TXNDC8: variants seen among roughly 807,000 people sequenced by gnomAD.
TXNDC8 encodes the protein thioredoxin domain-containing protein 8.
TXNDC8 carries 15 observed loss-of-function variants against 12.9 expected under a neutral mutation model. That is an observed-to-expected ratio of 1.16 (90% CI 0.78 to 1.79). TXNDC8 has a LOEUF of 1.79. Ranked by LOEUF, TXNDC8 falls within the 40% of genes most tolerant of loss-of-function variation. The pLI, the probability that TXNDC8 is intolerant of heterozygous loss-of-function variation, is 0.00. For missense variants in TXNDC8, 128 were observed against 113.2 expected, an observed-to-expected ratio of 1.13 and a Z score of -0.59; for synonymous variants, 40 against 35.4, an observed-to-expected ratio of 1.13 and a Z score of -0.46.
chr9:110,322,835 A>G, intron 3 of TXNDC8: 1 of 985,336 alleles, frequency 1.0e-6, no homozygotes, highest in Non-Finnish European at 1.2e-6. Flanking sequence ...TCATGCACTC[A>G]CTCATTCATC....
chr9:110,324,224 G>A lies in TXNDC8; in HGVS notation c.195+1951C>T, dbSNP rs547971224. Among the ~76,000 whole-genome samples the A allele has an allele frequency of 1.1e-4, 16 of 152,314 alleles. 1 individual carries two copies. The highest frequency in any genetic ancestry group is 5.8e-4 in the East Asian group (3 of 5,186). ...GAAAGGAGGAAGCATTCTCACTTCC[G>A]AAATGGGAGTGAAGGAGAAGATAAT... is the stretch of plus-strand genomic sequence containing the variant. On this transcript the variant is annotated intron_variant, in intron 3 of 4. Coordinates refer to ENST00000423740, the MANE Select transcript of TXNDC8 (RefSeq NM_001286946.2).
intron 3 of TXNDC8, among the ~76,000 whole-genome samples, chr9:110,319,816 T>C (rs1287780983): frequency 1.3e-5 from 2 of 152,206 alleles, no homozygotes; most frequent in African/African-American, 2.4e-5. Context: ...CATACCACGG[T>C]ATCACCTCTT....
intron 3 of TXNDC8, among the ~76,000 whole-genome samples, chr9:110,308,427 A>C (rs1838539126): frequency 2.0e-5 from 3 of 150,712 alleles, no homozygotes; most frequent in African/African-American, 7.3e-5. Flanking sequence ...AGCTGTTTTT[A>C]ATTTCTCCTT....
At chr9:110,324,036 A>AGT in intron 3 of TXNDC8, 4 of 1,544,102 alleles carry the variant, frequency 2.6e-6, no homozygotes, top group Non-Finnish European at 3.5e-6. Flanking sequence ...TGCAAAAGGG[A>AGT]GTGGTTCCTT....
In TXNDC8 at chr9:110,322,844, TCA is replaced by T. The variant is rs144879382; in HGVS notation, c.195+3329_195+3330del. 2,353 of 985,430 alleles carry T rather than the reference TCA, an allele frequency of 2.4e-3. 36 individuals are homozygous for T. In the African/African-American group the frequency reaches 0.037, roughly 15 times the overall value. 61.0% of individuals were successfully genotyped at this position (985,430 alleles called of 1,614,324 possible). On this transcript the variant is annotated intron_variant, in intron 3 of 4. Transcript: ENST00000423740. Reference sequence around the variant, plus strand: ...ATTCATTCATGCACTCACTCATTCATCACACACATCATGAGTATTTTCTATCC... The same window carrying T: ...ATTCATTCATGCACTCACTCATTCATCACACATCATGAGTATTTTCTATCC...
At chr9:110,323,118 C>T in intron 3 of TXNDC8, 1 of 985,258 alleles carries the variant, frequency 1.0e-6, no homozygotes, top group Non-Finnish European at 1.2e-6. Flanking sequence ...GGGAGCTGTG[C>T]ACAAATCTGG....
At chr9:110,307,666 A>G (rs1285251567) in intron 3 of TXNDC8, among the ~76,000 whole-genome samples, 2 of 152,096 alleles carry the variant, frequency 1.3e-5, no homozygotes, top group Non-Finnish European at 2.9e-5. Flanking sequence ...TTTCAAAGTC[A>G]CCTCTCCACT....
At chr9:110,326,756 G>A (rs1243265205) in intron 2 of TXNDC8, among the ~76,000 whole-genome samples, 3 of 152,146 alleles carry the variant, frequency 2.0e-5, no homozygotes, top group Non-Finnish European at 4.4e-5. Flanking sequence ...GCCAAAATAT[G>A]AGAAAATATG....
chr9:110,325,881 G>A (rs901487417), intron 3 of TXNDC8, among the ~76,000 whole-genome samples: 2 of 152,294 alleles, frequency 1.3e-5, no homozygotes, highest in South Asian at 4.1e-4. Context: ...AGTCTTTCTT[G>A]ATGGTTTTGC....
intron 4 of TXNDC8, 39 bp downstream of exon 5, chr9:110,304,428 C>T (rs764246531): frequency 1.9e-6 from 3 of 1,560,602 alleles, no homozygotes; most frequent in South Asian, 1.2e-5. Flanking sequence ...CAAAGTAAAC[C>T]CCAGATTTCT....
At chr9:110,326,041 A>G in intron 3 of TXNDC8, 134 bp downstream of exon 4, 3 of 833,976 alleles carry the variant, frequency 3.6e-6, no homozygotes, top group Non-Finnish European at 5.8e-6. Flanking sequence ...ACATACTTGT[A>G]TGTAGAGAAT....
At chr9:110,334,425 T>A in intron 1 of TXNDC8, 105 bp from the exon 2 acceptor site, 1 of 1,016,762 alleles carries the variant, frequency 9.8e-7, no homozygotes, top group Non-Finnish European at 1.5e-6. Context: ...TTTGGTTTTT[T>A]TAAAGCCAGG....
At chr9:110,315,109 T>C (rs944041415) in intron 3 of TXNDC8, among the ~76,000 whole-genome samples, 2 of 152,122 alleles carry the variant, frequency 1.3e-5, no homozygotes, top group Non-Finnish European at 2.9e-5. Flanking sequence ...GGCAGGTTTT[T>C]TTTTGTTTTG....
At chr9:110,313,813 C>A (rs1838779303) in intron 3 of TXNDC8, among the ~76,000 whole-genome samples, 2 of 152,114 alleles carry the variant, frequency 1.3e-5, no homozygotes, top group Admixed American at 1.3e-4. Context: ...CCCCTATTTT[C>A]TTTTCATAGG....
Position 110,337,765 on chromosome 9 carries a change from A to G in TXNDC8, c.24+8T>C, listed in dbSNP as rs1839815479. 3 of 1,613,824 alleles carry G rather than the reference A, an allele frequency of 1.9e-6. No homozygotes were observed. The highest frequency in any genetic ancestry group is 2.5e-6 in the Non-Finnish European group (3 of 1,179,810). ...TGAAATACTCAGTGAAGCCAAATAA[A>G]TACTTGCCGTGTCTTTAATAATCTG... is the stretch of plus-strand genomic sequence containing the variant. On this transcript the variant is annotated splice_region_variant and intron_variant, in intron 1 of 4. Transcript: ENST00000423740.
intron 3 of TXNDC8, among the ~76,000 whole-genome samples, chr9:110,307,511 A>G (rs2118707969): frequency 6.6e-6 from 1 of 152,276 alleles, no homozygotes; most frequent in East Asian, 1.9e-4. Flanking sequence ...CTTTCTTTTG[A>G]AGAGAGATGT....
intron 3 of TXNDC8, among the ~76,000 whole-genome samples, chr9:110,305,069 A>G (rs1406349455): frequency 6.9e-6 from 1 of 145,356 alleles, no homozygotes; most frequent in African/African-American, 2.5e-5. Flanking sequence ...AATCACTTGA[A>G]CCCAGGAGGT....
intron 4 of TXNDC8, 150 bp downstream of exon 5, chr9:110,304,317 A>G (rs1838342260): frequency 3.2e-6 from 2 of 626,214 alleles, no homozygotes; most frequent in South Asian, 2.6e-5. Flanking sequence ...AACTAACTTT[A>G]CTGCCCGGTG....
intron 3 of TXNDC8, among the ~76,000 whole-genome samples, chr9:110,307,629 A>G (rs1348854657): frequency 1.3e-5 from 2 of 152,186 alleles, no homozygotes; most frequent in African/African-American, 4.8e-5. Context: ...AGCTGGAACT[A>G]CTTAGGGAAA....
Sources: gnomAD v4.1 joint callset for allele counts (sites outside exome capture counted in the v4.1 genomes callset) on GRCh38, gnomAD v4.1.1 for gene constraint, MANE v1.5 for transcripts, NCBI Gene and HGNC (gene_info 2026-07-23, HGNC 2026-07-21) for gene names.